Variants in NOC4L observed in about 807,000 individuals in gnomAD.
NOC4L encodes nucleolar complex protein 4 homolog.
Under a neutral mutation model 62.8 loss-of-function variants are expected in NOC4L, and 40 were observed. The ratio of observed to expected loss-of-function variants is 0.64; its 90% CI spans 0.49 to 0.83. The LOEUF (loss-of-function observed/expected upper bound fraction) is 0.83. Among genes scored for constraint, NOC4L ranks in the 40% least tolerant of loss-of-function variants. NOC4L has a pLI of 0.00. For missense variants in NOC4L, 927 were observed against 701.9 expected, an observed-to-expected ratio of 1.32 and a Z score of -3.62; for synonymous variants, 433 against 299.8, an observed-to-expected ratio of 1.44 and a Z score of -4.59.
chr12:132,146,443 C>G (rs1475648810), intron 3 of NOC4L: 1 of 434,936 alleles, frequency 2.3e-6, no homozygotes, highest in Non-Finnish European at 4.7e-6. Context: ...CGTACAAACT[C>G]TTGTGTGATG....
At chr12:132,146,124 G>A (rs1029161517) in intron 3 of NOC4L, 17 of 405,192 alleles carry the variant, frequency 4.2e-5, no homozygotes, top group Non-Finnish European at 8.1e-5. Context: ...GCCCCGAAAA[G>A]AAATCCTGTA....
chr12:132,148,620 G>T lies in NOC4L; in HGVS notation c.750G>T (p.Arg250Ser), dbSNP rs1211722637. 6.5e-7 allele frequency: 1 copy of T among 1,549,492 alleles called. No individual in the cohort carries two copies. The highest frequency in any genetic ancestry group is 8.7e-7 in the Non-Finnish European group (1 of 1,146,312). ...WKVAHLKEHR[R>S]VFQAMWLSFL... ...GGACCCCGTTGCAGGAGCACAGGAG[G>T]GTTTTCCAGGCCATGTGGCTCAGCT... The change falls in exon 8 of 15, where the codon AGG (arginine) becomes AGT (serine). Residue 250 changes from arginine to serine, a missense_variant. Physicochemically the swap from Arg to Ser is moderately radical, Grantham distance 110. Coordinates refer to ENST00000330579, the MANE Select transcript of NOC4L (RefSeq NM_024078.3).
rs533332966 is a variant in NOC4L at position 132,145,443 on chromosome 12, C to T, written c.239-116C>T. Reference sequence around the variant, plus strand: ...GGGGGCCTTAGCGACCTGTTTCCACCTGCGGAGGCTGAGTAGAAGACAATG... The same window carrying T: ...GGGGGCCTTAGCGACCTGTTTCCACTTGCGGAGGCTGAGTAGAAGACAATG... On this transcript the variant is annotated intron_variant, in intron 2 of 14. Transcript: ENST00000330579. 39 of 659,966 alleles carry T rather than the reference C, an allele frequency of 5.9e-5. 1 individual carries two copies. The Middle Eastern group carries it at 1.4e-3, about 24-fold the overall frequency. 40.9% of individuals were successfully genotyped at this position (659,966 alleles called of 1,614,324 possible).
At chr12:132,146,814 C>T (rs1897743937) in intron 3 of NOC4L, among the ~76,000 whole-genome samples, 1 of 152,184 alleles carries the variant, frequency 6.6e-6, no homozygotes, top group South Asian at 2.1e-4. Context: ...TGTCATCCCG[C>T]ACGAGGCTCT....
chr12:132,147,449 C>T, intron 4 of NOC4L, 61 bp downstream of exon 4: 1 of 1,501,010 alleles, frequency 6.7e-7, no homozygotes, highest in East Asian at 2.4e-5. Context: ...CCAGGATGGC[C>T]CCGTAGTGGG....
Position 132,151,050 on chromosome 12 carries a change from C to T in NOC4L, c.962+9C>T. ...ATTCACAAACACAACCTGTGAGTGT[C>T]ACCAGGGGTGCAGGTCTTCTTCCCA... On this transcript the variant is annotated intron_variant, in intron 10 of 14. Transcript: ENST00000330579. The T allele has an allele frequency of 1.2e-6, 2 of 1,608,114 alleles. No individual in the cohort carries two copies. Among genetic ancestry groups the T allele is most frequent in the Non-Finnish European group, 8.5e-7 (1 of 1,176,866 alleles).
intron 7 of NOC4L, 61 bp downstream of exon 7, chr12:132,148,167 G>A: frequency 1.3e-6 from 2 of 1,549,030 alleles, no homozygotes; most frequent in East Asian, 2.3e-5. Flanking sequence ...TGGGGTGCAT[G>A]TGAGACCCCA....
At chr12:132,147,856 A>G in intron 5 of NOC4L, 24 bp from the exon 6 acceptor site, 1 of 1,609,662 alleles carries the variant, frequency 6.2e-7, no homozygotes, top group Non-Finnish European at 8.5e-7. Flanking sequence ...GGCGGCGTCC[A>G]GGCACTCAGG....
intron 13 of NOC4L, 85 bp from the exon 14 acceptor site, chr12:132,151,999 C>A: frequency 7.2e-7 from 1 of 1,385,134 alleles, no homozygotes; most frequent in Non-Finnish European, 9.9e-7. Flanking sequence ...CCCGCCCACT[C>A]TGGTTGGGAG....
In NOC4L at chr12:132,148,188, C is replaced by T. The variant is rs148495278; in HGVS notation, c.738+82C>T. ...GCATGTGAGACCCCATGGAGGCTGC[C>T]GCCTTCCTCACCAGAGGAAACTCCC... On this transcript the variant is annotated intron_variant, in intron 7 of 14. Transcript: ENST00000330579. 2,539 of 1,431,780 alleles carry T rather than the reference C, an allele frequency of 1.8e-3. 35 individuals carry two copies. In the African/African-American group the frequency reaches 0.031, roughly 18 times the overall value. The allele number at this position is 1,431,780 out of a possible 1,614,324, so 88.7% of individuals were successfully genotyped here.
rs548161897 is a variant in NOC4L at position 132,152,392 on chromosome 12, G to C, written c.1542G>C (p.Thr514=). 2.5e-6 allele frequency: 4 copies of C among 1,578,504 alleles called. No homozygotes were observed. The highest frequency in any genetic ancestry group is 2.6e-6 in the Non-Finnish European group (3 of 1,160,764). The part of the protein sequence containing the change: ...RPGELCAQHF[T]LS ...GTGAACTCTGTGCCCAGCACTTCAC[G>C]CTCAGCTGACCCTGGCCCACCTGTG... The change falls in exon 15 of 15, where the codon ACG becomes ACC. Residue 514 remains threonine, a synonymous_variant. Transcript: ENST00000330579.
chr12:132,148,028 C>T, intron 6 of NOC4L, 44 bp from the exon 7 acceptor site: 1 of 1,613,270 alleles, frequency 6.2e-7, no homozygotes, highest in Non-Finnish European at 8.5e-7. Context: ...CTTGGTCTGC[C>T]TCCCCTGCGG....
chr12:132,145,337 C>G (rs981472038), intron 2 of NOC4L, among the ~76,000 whole-genome samples: 8 of 152,322 alleles, frequency 5.3e-5, no homozygotes, highest in African/African-American at 1.9e-4. Context: ...CTCCTGGCAG[C>G]TTGGCTGGGG....
In NOC4L at chr12:132,148,894, C is replaced by A. The variant is rs76660892; in HGVS notation, c.900C>A (p.Leu300=). The part of the protein sequence containing the change: ...MIDFLTRACD[L]GGALSLLALN... Reference sequence around the variant, plus strand: ...ACTTCCTCACCCGCGCCTGCGACCTCGGTGAGTGCCGCCGCCTCGCTCACA... The same window carrying A: ...ACTTCCTCACCCGCGCCTGCGACCTAGGTGAGTGCCGCCGCCTCGCTCACA... The change falls in exon 9 of 15, where the codon CTC becomes CTA. Residue 300 remains leucine, a splice_region_variant and synonymous_variant. Transcript: ENST00000330579. 6 of 1,346,284 alleles carry A rather than the reference C, an allele frequency of 4.5e-6. No individual in the cohort carries two copies. The highest frequency in any genetic ancestry group is 3.3e-5 in the African/African-American group (2 of 59,776). The allele number at this position is 1,346,284 out of a possible 1,614,324, so 83.4% of individuals were successfully genotyped here.
At chr12:132,145,091 A>C in intron 2 of NOC4L, 117 bp downstream of exon 2, 1 of 1,374,056 alleles carries the variant, frequency 7.3e-7, no homozygotes, top group Non-Finnish European at 9.7e-7. Context: ...TGGTGGGAGG[A>C]CGCACCAAGC....
At position 132,148,355 on chromosome 12, in the gene NOC4L, C is replaced by T. The variant is rs376222410; in HGVS notation, c.738+249C>T. 1.3e-3 allele frequency among the ~76,000 whole-genome samples: 198 copies of T among 152,312 alleles called. 1 individual carries two copies. The highest frequency in any genetic ancestry group is 4.2e-3 in the African/African-American group (174 of 41,560). ...AGCCTCTGGTGCCACCTGTGGGCCC[C>T]GTGGGCTGTTTTGGGCGCAGCCCCC... On this transcript the variant is annotated intron_variant, in intron 7 of 14. Transcript: ENST00000330579.
intron 7 of NOC4L, 22 bp downstream of exon 7, chr12:132,148,128 G>A (rs774448941): frequency 3.1e-5 from 50 of 1,612,396 alleles, no homozygotes; most frequent in Non-Finnish European, 3.8e-5. Context: ...CTGGAGAGCC[G>A]GGCACCCTCC....
chr12:132,146,840 C>T (rs1050165155), intron 3 of NOC4L, among the ~76,000 whole-genome samples: 5 of 152,094 alleles, frequency 3.3e-5, no homozygotes, highest in Non-Finnish European at 7.4e-5. Flanking sequence ...TTTGTGGTGT[C>T]ATTTGCCTGG....
At chr12:132,150,766 C>T (rs1359492547) in intron 9 of NOC4L, 2 of 603,410 alleles carry the variant, frequency 3.3e-6, no homozygotes, top group East Asian at 5.5e-5. Flanking sequence ...GCTCACACCC[C>T]CAACCCCCAC....
Sources: gnomAD v4.1 joint callset for allele counts (sites outside exome capture counted in the v4.1 genomes callset) on GRCh38, gnomAD v4.1.1 for gene constraint, MANE v1.5 for transcripts, NCBI Gene and HGNC (gene_info 2026-07-23, HGNC 2026-07-21) for gene names.